KIAA1614: variants seen among roughly 807,000 people sequenced by gnomAD.
KIAA1614 encodes the protein KIAA1614.
Under a neutral mutation model 88.7 loss-of-function variants are expected in KIAA1614, and 76 were observed. The observed-to-expected ratio is 0.86, with a 90% confidence interval of 0.71 to 1.04. KIAA1614 has a LOEUF of 1.04. Ranked by LOEUF, KIAA1614 falls within the 50% of genes least tolerant of loss-of-function variation. KIAA1614 has a pLI of 0.00. For synonymous variants in KIAA1614, 714 were observed against 675.5 expected (o/e 1.06, Z -0.88); for missense variants, 1,553 against 1,582.5 (o/e 0.98, Z 0.32).
intron 5 of KIAA1614, 129 bp from the exon 6 acceptor site, chr1:180,938,426 C>T: frequency 9.7e-7 from 1 of 1,034,536 alleles, no homozygotes. Context: ...GGTCTCTCCA[C>T]TGCTCTCCTT....
rs774839760 is a variant in KIAA1614, at chr1:180,945,430, T to G, written c.3415T>G (p.Ser1139Ala). The change falls in exon 9 of 9, where the codon TCC becomes GCC. Residue 1139 changes from serine to alanine, a missense_variant. Ser to Ala is a moderately conservative substitution (Grantham distance 99). Coordinates refer to ENST00000367588, the MANE Select transcript of KIAA1614 (RefSeq NM_020950.2). ...DGTSQLQLQR[S>A]PGGTFGFCVA... ...CACCAGCCAGCTGCAGCTGCAGCGC[T>G]CCCCAGGGGGCACTTTCGGCTTCTG... 1 of 1,608,780 alleles carries G rather than the reference T, an allele frequency of 6.2e-7. No homozygotes were observed. Among genetic ancestry groups the G allele is most frequent in the South Asian group, 1.1e-5 (1 of 90,412 alleles).
chr1:180,918,987 G>T (rs906710402), intron 3 of KIAA1614, among the ~76,000 whole-genome samples: 1 of 152,120 alleles, frequency 6.6e-6, no homozygotes, highest in African/African-American at 2.4e-5. Context: ...GTGCCCTCAG[G>T]TGGAGGAAAG....
At chr1:180,941,386 C>G (rs1424546849) in intron 7 of KIAA1614, 101 bp downstream of exon 7, 1 of 1,400,174 alleles carries the variant, frequency 7.1e-7, no homozygotes, top group Non-Finnish European at 9.7e-7. Flanking sequence ...GGATGCCTCC[C>G]AAGGAGCCCA....
At chr1:180,925,516 CTTA>C (rs1394688072) in intron 3 of KIAA1614, among the ~76,000 whole-genome samples, 2 of 152,230 alleles carry the variant, frequency 1.3e-5, no homozygotes, top group Non-Finnish European at 2.9e-5. Flanking sequence ...ACTCGCTGAG[CTTA>C]TTATTTTAAT....
At position 180,936,032 on chromosome 1, in the gene KIAA1614, A is replaced by C; in HGVS notation, c.2123A>C (p.Lys708Thr). 1 of 1,614,112 alleles carries C rather than the reference A, an allele frequency of 6.2e-7. No homozygotes were observed. The highest frequency in any genetic ancestry group is 8.5e-7 in the Non-Finnish European group (1 of 1,179,948). ...ACTCTATTTTTGAGAGAAGATGCCA[A>C]GCCTCCTGACCTGGAGTTGAAGCGG... ...EGTLFLREDAKPPDLELKRVS... is the reference protein window; with the variant it reads ...EGTLFLREDATPPDLELKRVS... The change falls in exon 5 of 9, where the codon AAG becomes ACG. Residue 708 changes from lysine (K) to threonine (T), a missense_variant. By Grantham distance (78) the Lys-to-Thr change is moderately conservative. Transcript: ENST00000367588.
At chr1:180,932,413 G>C (rs1041084727) in intron 4 of KIAA1614, among the ~76,000 whole-genome samples, 1 of 152,126 alleles carries the variant, frequency 6.6e-6, no homozygotes, top group Non-Finnish European at 1.5e-5. Context: ...TGACCATGCT[G>C]GTTGAAAGAT....
intron 3 of KIAA1614, 66 bp downstream of exon 3, chr1:180,917,980 A>C: frequency 2.9e-6 from 4 of 1,388,382 alleles, no homozygotes; most frequent in Non-Finnish European, 4.1e-6. Flanking sequence ...TTTACTCAGC[A>C]TCAGGACAGT....
intron 3 of KIAA1614, among the ~76,000 whole-genome samples, chr1:180,922,742 A>G (rs1571286674): frequency 6.6e-6 from 1 of 152,316 alleles, no homozygotes; most frequent in East Asian, 1.9e-4. Flanking sequence ...GCGTGTGCAG[A>G]TGTTTCCCAC....
At chr1:180,941,577 C>T (rs1229123791) in intron 7 of KIAA1614, among the ~76,000 whole-genome samples, 3 of 152,292 alleles carry the variant, frequency 2.0e-5, no homozygotes, top group Admixed American at 6.5e-5. Flanking sequence ...GGAGAGTTGA[C>T]AGCCTGATGG....
At chr1:180,918,284 C>T (rs114284556) in intron 3 of KIAA1614, among the ~76,000 whole-genome samples, 439 of 152,278 alleles carry the variant, frequency 2.9e-3, no homozygotes, top group African/African-American at 0.01. Flanking sequence ...GTGAGATCAT[C>T]GTTGTGAAAA....
In KIAA1614 at chr1:180,932,577, T is replaced by C. The variant is rs1288916919; in HGVS notation, c.1206-2538T>C. Among the ~76,000 whole-genome samples the C allele has an allele frequency of 5.9e-5, 9 of 152,220 alleles. No homozygotes were observed. The South Asian group carries it at 1.5e-3, about 25-fold the overall frequency. On this transcript the variant is annotated intron_variant, in intron 4 of 8. Coordinates refer to ENST00000367588, the MANE Select transcript of KIAA1614 (RefSeq NM_020950.2). ...TGCCTGATGAATGAGTAGCCCTGGC[T>C]GAATGTGAGTTCCAGAAAACAGGCT...
rs115351367 is a variant in KIAA1614 at position 180,937,099 on chromosome 1, C to T, written c.2761+429C>T. Among the ~76,000 whole-genome samples the T allele has an allele frequency of 1.2e-3, 182 of 152,378 alleles. 1 individual carries two copies. Among genetic ancestry groups the T allele is most frequent in the African/African-American group, 4.2e-3 (175 of 41,588 alleles). ...CTATTTGTTTAGAACAGTAGATGTC[C>T]ACTAATCACATGGCTGAGGCCCTGC... is the stretch of plus-strand genomic sequence containing the variant. On this transcript the variant is annotated intron_variant, in intron 5 of 8. Coordinates refer to ENST00000367588, the MANE Select transcript of KIAA1614 (RefSeq NM_020950.2).
At chr1:180,939,459 C>T (rs1654407667) in intron 6 of KIAA1614, among the ~76,000 whole-genome samples, 1 of 152,224 alleles carries the variant, frequency 6.6e-6, no homozygotes, top group African/African-American at 2.4e-5. Context: ...GCACAGCACA[C>T]AAGCCCGAAT....
In KIAA1614 at chr1:180,935,843, CGCGACT is replaced by C. The variant is rs762591781; in HGVS notation, c.1944_1949del (p.Leu649_Arg650del). 1.2e-6 allele frequency: 2 copies of C among 1,613,612 alleles called. No homozygotes were observed. The highest frequency in any genetic ancestry group is 1.3e-5 in the African/African-American group (1 of 75,044). Reference sequence around the variant, plus strand: ...TGTGGGCGGACCCAAGGCAGCAGCCCGCGACTGCGACTGCGGGGCTCCAGGCCTCGA... The same window carrying C: ...TGTGGGCGGACCCAAGGCAGCAGCCCGCGACTGCGGGGCTCCAGGCCTCGA... On this transcript the variant is annotated inframe_deletion, in exon 5 of 9. Coordinates refer to ENST00000367588, the MANE Select transcript of KIAA1614 (RefSeq NM_020950.2). The surrounding 1 kb of genome is among the most constrained non-coding windows in gnomAD (Gnocchi z 6.1).
chr1:180,917,104 A>G lies in KIAA1614; in HGVS notation c.997+4A>G. On this transcript the variant is annotated splice_donor_region_variant and intron_variant, in intron 2 of 8. Transcript: ENST00000367588. ...TCCTGGGACACAGCTGCACCAGGTG[A>G]AGCTCACTGTGTAGGTCCAGGTGGT... The G allele has an allele frequency of 6.2e-7, 1 of 1,608,624 alleles. No individual in the cohort carries two copies. The highest frequency in any genetic ancestry group is 8.5e-7 in the Non-Finnish European group (1 of 1,176,484).
Position 180,934,252 on chromosome 1 carries a change from CA to C in KIAA1614, c.1206-845del, listed in dbSNP as rs71121058. Reference sequence around the variant, plus strand: ...GGACAACAAGAGTAAAACTCCGTCTCAAAAAAAAAAAAAAAAAAGAAAAGAA... The same window carrying C: ...GGACAACAAGAGTAAAACTCCGTCTCAAAAAAAAAAAAAAAAAGAAAAGAA... On this transcript the variant is annotated intron_variant, in intron 4 of 8. Transcript: ENST00000367588. 8.9e-3 allele frequency among the ~76,000 whole-genome samples: 910 copies of C among 101,734 alleles called. 6 individuals are homozygous for C. Among genetic ancestry groups the C allele is most frequent in the African/African-American group, 0.023 (530 of 23,268 alleles). 66.7% of individuals were successfully genotyped at this position (101,734 alleles called of 152,430 possible).
In KIAA1614 at chr1:180,951,465, AGGTG is replaced by A; in HGVS notation, c.*5888_*5891del. ...CCTCCTGGCGGTGCTGTCGGTGGGC[AGGTG>A]GGTGGGTGGGCAGCAGGGAAGCTGC... On this transcript the variant is annotated 3_prime_UTR_variant, in exon 9 of 9. Transcript: ENST00000367588. 6.9e-6 allele frequency: 1 copy of A among 144,462 alleles called. No individual in the cohort carries two copies. The allele number at this position is 144,462 out of a possible 1,614,324, so 8.9% of individuals were successfully genotyped here.
At position 180,945,785 on chromosome 1, in the gene KIAA1614, C is replaced by G; in HGVS notation, c.*197C>G. On this transcript the variant is annotated 3_prime_UTR_variant, in exon 9 of 9. Transcript: ENST00000367588. ...AGTTGGCAGGTTTGACTCCACTGTC[C>G]CCCTGCTGTCTGATGACATCTTGAA... 1 of 1,351,902 alleles carries G rather than the reference C, an allele frequency of 7.4e-7. No homozygotes were observed. The highest frequency in any genetic ancestry group is 2.0e-5 in the South Asian group (1 of 51,106). 83.7% of individuals were successfully genotyped at this position (1,351,902 alleles called of 1,614,324 possible). A position where few individuals can be genotyped will look rare whatever the true frequency, so the allele number is the denominator to read the frequency against.
At chr1:180,944,349 G>C in intron 7 of KIAA1614, 40 bp from the exon 8 acceptor site, 2 of 1,603,894 alleles carry the variant, frequency 1.2e-6, no homozygotes, top group Non-Finnish European at 1.7e-6. Context: ...CACCTCCCAG[G>C]TAGCTTTTCT....
Sources: gnomAD v4.1 joint callset for allele counts (sites outside exome capture counted in the v4.1 genomes callset) on GRCh38, gnomAD v4.1.1 for gene constraint, Gnocchi (gnomAD v3.1) non-coding constraint, MANE v1.5 for transcripts, NCBI Gene and HGNC (gene_info 2026-07-23, HGNC 2026-07-21) for gene names.